DYNC1H1: variants seen among roughly 807,000 people sequenced by gnomAD.
DYNC1H1 encodes dynein cytoplasmic 1 heavy chain 1.
In DYNC1H1, 51 loss-of-function variants were observed where a neutral mutation model predicts 527.1. The ratio of observed to expected loss-of-function variants is 0.10; its 90% confidence interval spans 0.08 to 0.12. The LOEUF is 0.12. Among genes scored for constraint, DYNC1H1 ranks in the 10% least tolerant of loss-of-function variants. The pLI, the probability that DYNC1H1 is intolerant of heterozygous loss-of-function variation, is 1.00. For missense variants in DYNC1H1, 2,771 were observed against 5,971.8 expected (o/e 0.46, Z 17.66); for synonymous variants, 2,189 against 2,278.8 (o/e 0.96, Z 1.12).
At chr14:102,047,688 A>G in intron 72 of DYNC1H1, 129 bp from the exon 73 acceptor site, 1 of 848,154 alleles carries the variant, frequency 1.2e-6, no homozygotes, top group Non-Finnish European at 1.9e-6. Context: ...AGCACCTTCC[A>G]GATTTTGCTG....
In DYNC1H1 at chr14:102,054,467, A is replaced by C. The variant is rs567646520; in HGVS notation, c.*3904A>C. 5.3e-5 allele frequency: 8 copies of C among 151,462 alleles called. No homozygotes were observed. The highest frequency in any genetic ancestry group is 1.0e-4 in the Non-Finnish European group (7 of 67,944). 9.4% of individuals were successfully genotyped at this position (151,462 alleles called of 1,614,324 possible). On this transcript the variant is annotated 3_prime_UTR_variant, in exon 78 of 78. Coordinates refer to ENST00000360184, the MANE Select transcript of DYNC1H1 (RefSeq NM_001376.5). ...CCATTGCCTGTTCTCAAAGCAATGC[A>C]CCTGAGAAGCAGTGGCAGGTGGCAC... is the stretch of plus-strand genomic sequence containing the variant.
At position 101,986,762 on chromosome 14, in the gene DYNC1H1, A is replaced by T. The variant is rs749426107; in HGVS notation, c.2537A>T (p.Lys846Met). The stretch of plus-strand genomic sequence containing the variant: ...GAGACTGTCTTCAACTTCCAAGAAA[A>T]GGTATGCTCTCATGTAATCCTCAGG... ...LAETVFNFQE[K>M]VDDLLIIEEK... Residue 846 changes from lysine (K) to methionine (M), a missense_variant and splice_region_variant, in exon 8 of 78, where the codon AAG becomes ATG. Transcript: ENST00000360184. The surrounding 1 kb of genome is among the most constrained non-coding windows in gnomAD (Gnocchi z 8.7). The T allele has an allele frequency of 6.2e-7, 1 of 1,614,208 alleles. No homozygotes were observed. Among genetic ancestry groups the T allele is most frequent in the Non-Finnish European group, 8.5e-7 (1 of 1,180,034 alleles).
rs781492218 is a variant in DYNC1H1 at position 102,029,613 on chromosome 14, T to C, written c.9543T>C (p.Asn3181=). ...ITPRHYLDFI[N]HYANLFHEKR... ...CTCGCCACTACCTGGACTTCATCAA[T>C]CACTATGCCAACCTGTTCCACGAGA... Residue 3181 remains asparagine, a synonymous_variant, in exon 49 of 78, where the codon AAT becomes AAC. Coordinates refer to ENST00000360184, the MANE Select transcript of DYNC1H1 (RefSeq NM_001376.5). This position sits in a 1 kb window ranked among gnomAD's most constrained non-coding sequence, Gnocchi z 5.3. 1 of 1,614,036 alleles carries C rather than the reference T, an allele frequency of 6.2e-7. No individual in the cohort carries two copies. Among genetic ancestry groups the C allele is most frequent in the Non-Finnish European group, 8.5e-7 (1 of 1,180,038 alleles).
intron 57 of DYNC1H1, chr14:102,037,229 C>G: frequency 6.3e-6 from 1 of 157,754 alleles, no homozygotes; most frequent in Non-Finnish European, 1.4e-5. Flanking sequence ...ATCAAGACCA[C>G]CCTGGCCAAC....
At position 101,994,180 on chromosome 14, in the gene DYNC1H1, C is replaced by T; in HGVS notation, c.3016-4C>T. The T allele has an allele frequency of 6.2e-7, 1 of 1,614,124 alleles. No homozygotes were observed. Among genetic ancestry groups the T allele is most frequent in the African/African-American group, 1.3e-5 (1 of 75,014 alleles). The stretch of plus-strand genomic sequence containing the variant: ...TTGCATTCATTTCGGCTTTGGTTGG[C>T]TAGGTGGGTGTACATTACGAATTGA... On this transcript the variant is annotated splice_polypyrimidine_tract_variant and splice_region_variant and intron_variant, in intron 11 of 77. Transcript: ENST00000360184.
chr14:101,987,101 G>A (rs2047945946), intron 8 of DYNC1H1, among the ~76,000 whole-genome samples: 2 of 152,218 alleles, frequency 1.3e-5, no homozygotes, highest in Non-Finnish European at 2.9e-5. Context: ...CAGAGCCTGC[G>A]GCTGCCAGCG....
At position 102,030,228 on chromosome 14, in the gene DYNC1H1, A is replaced by C. The variant is rs763556991; in HGVS notation, c.9829A>C (p.Ser3277Arg). 1 of 1,614,178 alleles carries C rather than the reference A, an allele frequency of 6.2e-7. No individual in the cohort carries two copies. The highest frequency in any genetic ancestry group is 2.2e-5 in the East Asian group (1 of 44,884). ...GGAGGTAATTGCAGACAAACAGATGAGTGTCAAAGAAGATCTTGATAAGGT... is the reference window on the plus strand; with the variant it reads ...GGAGGTAATTGCAGACAAACAGATGCGTGTCAAAGAAGATCTTGATAAGGT... Reference protein sequence around the residue: ...QQEVIADKQMSVKEDLDKVEP... With the variant: ...QQEVIADKQMRVKEDLDKVEP... Residue 3277 changes from serine (S) to arginine (R), a missense_variant, in exon 51 of 78, where the codon AGT becomes CGT. Ser to Arg is a moderately radical substitution (Grantham distance 110). Coordinates refer to ENST00000360184, the MANE Select transcript of DYNC1H1 (RefSeq NM_001376.5).
Position 102,039,256 on chromosome 14 carries a change from TG to T in DYNC1H1, c.11460+5del. 1 of 1,613,220 alleles carries T rather than the reference TG, an allele frequency of 6.2e-7. No individual in the cohort carries two copies. Among genetic ancestry groups the T allele is most frequent in the Non-Finnish European group, 8.5e-7 (1 of 1,180,000 alleles). ...TTCACCATGGAGTCCCTCAAGCAGG[TG>T]GGTGCCTTGGCCATGCAGAGACTGG... On this transcript the variant is annotated splice_donor_region_variant and intron_variant, in intron 60 of 77. Coordinates refer to ENST00000360184, the MANE Select transcript of DYNC1H1 (RefSeq NM_001376.5). This position sits in a 1 kb window ranked among gnomAD's most constrained non-coding sequence, Gnocchi z 7.0.
Position 102,002,435 on chromosome 14 carries a change from G to A in DYNC1H1, c.4543-102G>A. On this transcript the variant is annotated intron_variant, in intron 21 of 77. Transcript: ENST00000360184. This position sits in a 1 kb window ranked among gnomAD's most constrained non-coding sequence, Gnocchi z 4.4. The stretch of plus-strand genomic sequence containing the variant: ...TACTTGTTGTTTAAAATGTGAATCA[G>A]ATTACTTCATGAGATCCTGATCTGC... 6.7e-7 allele frequency: 1 copy of A among 1,483,810 alleles called. No individual in the cohort carries two copies. The highest frequency in any genetic ancestry group is 9.4e-7 in the Non-Finnish European group (1 of 1,065,964). The allele number at this position is 1,483,810 out of a possible 1,614,324, so 91.9% of individuals were successfully genotyped here. A position where few individuals can be genotyped will look rare whatever the true frequency, so the allele number is the denominator to read the frequency against.
Position 102,001,615 on chromosome 14 carries a change from C to G in DYNC1H1, c.4476C>G (p.Asp1492Glu). 1 of 1,614,178 alleles carries G rather than the reference C, an allele frequency of 6.2e-7. No homozygotes were observed. The highest frequency in any genetic ancestry group is 8.5e-7 in the Non-Finnish European group (1 of 1,180,034). ...GCCGCTTGATCCGTGGCTGGGATGA[C>G]CTCTTCAACAAGGTCAAAGAACACA... The part of the protein sequence containing the change: ...NKCRLIRGWD[D>E]LFNKVKEHIN... The change falls in exon 21 of 78, where the codon GAC becomes GAG. Residue 1492 changes from aspartate to glutamate, a missense_variant. Asp to Glu is a conservative substitution (Grantham distance 45). Around this residue, in one of 32 missense-constraint regions of DYNC1H1, gnomAD observed 223 missense variants for 462.5 expected, o/e 0.48. Transcript: ENST00000360184. This position sits in a 1 kb window ranked among gnomAD's most constrained non-coding sequence, Gnocchi z 5.0.
intron 42 of DYNC1H1, among the ~76,000 whole-genome samples, chr14:102,021,684 G>C (rs2048387116): frequency 8.1e-6 from 1 of 123,738 alleles, no homozygotes; most frequent in Admixed American, 9.5e-5. Context: ...TTTGAGACAA[G>C]AGTCTCGCTT....
chr14:102,009,709 A>G, intron 29 of DYNC1H1, 134 bp from the exon 30 acceptor site: 1 of 1,403,182 alleles, frequency 7.1e-7, no homozygotes, highest in East Asian at 2.5e-5. Context: ...GCCAAAGAGC[A>G]GCCCCCGAGG....
At chr14:101,995,418 T>C (rs2048048302) in intron 15 of DYNC1H1, 118 bp downstream of exon 15, 1 of 1,275,462 alleles carries the variant, frequency 7.8e-7, no homozygotes, top group Non-Finnish European at 1.1e-6. Flanking sequence ...GAGACCATCC[T>C]GGCTAACACG....
At position 102,020,446 on chromosome 14, in the gene DYNC1H1, A is replaced by AGAGCACGG. The variant is rs1354940350; in HGVS notation, c.8507+392_8507+399dup. Among the ~76,000 whole-genome samples, 2 of 152,166 alleles carry AGAGCACGG rather than the reference A, an allele frequency of 1.3e-5. No individual in the cohort carries two copies. The highest frequency in any genetic ancestry group is 4.8e-5 in the African/African-American group (2 of 41,438). On this transcript the variant is annotated intron_variant, in intron 42 of 77. Transcript: ENST00000360184. The surrounding 1 kb of genome is among the most constrained non-coding windows in gnomAD (Gnocchi z 4.3). Reference sequence around the variant, plus strand: ...AGCAGCTGCCTGTGATAACCTTACCAGAGCACGGGTTCACTGCTGAGTTAA... The same window carrying AGAGCACGG: ...AGCAGCTGCCTGTGATAACCTTACCAGAGCACGGGAGCACGGGTTCACTGCTGAGTTAA...
chr14:102,034,499 T>G, intron 56 of DYNC1H1, 47 bp downstream of exon 56: 1 of 1,611,316 alleles, frequency 6.2e-7, no homozygotes, highest in Non-Finnish European at 8.5e-7. Flanking sequence ...ATGTGGGTGG[T>G]GATCTTGAAT....
chr14:102,009,592 T>C (rs2048235481), intron 29 of DYNC1H1: 2 of 501,568 alleles, frequency 4.0e-6, no homozygotes, highest in East Asian at 3.8e-5. Flanking sequence ...CCAAATAAAA[T>C]AGTGGTCTCT....
At chr14:101,999,932 A>AT in intron 16 of DYNC1H1, 57 bp from the exon 17 acceptor site, 1 of 1,612,952 alleles carries the variant, frequency 6.2e-7, no homozygotes, top group Non-Finnish European at 8.5e-7. Context: ...TAAAGCCTAA[A>AT]TGCTCATCTC....
chr14:102,005,865 T>C lies in DYNC1H1; in HGVS notation c.5434-23T>C. 6.2e-7 allele frequency: 1 copy of C among 1,613,602 alleles called. No individual in the cohort carries two copies. Among genetic ancestry groups the C allele is most frequent in the Non-Finnish European group, 8.5e-7 (1 of 1,179,848 alleles). ...GTATTGCTTTAGTGTAGATGAACTT[T>C]TAAAGTGACTCTCTTTCTTCAGATT... is the stretch of plus-strand genomic sequence containing the variant. On this transcript the variant is annotated intron_variant, in intron 26 of 77. Coordinates refer to ENST00000360184, the MANE Select transcript of DYNC1H1 (RefSeq NM_001376.5). This position sits in a 1 kb window ranked among gnomAD's most constrained non-coding sequence, Gnocchi z 4.0.
rs2048842632 is a variant in DYNC1H1, at chr14:102,053,455, TG to T, written c.*2893del. ...TTTTTATTTGTTTTTTGTTTGTTTT[TG>T]TTTTTTTTAAAAAACTGAGTCTCGC... On this transcript the variant is annotated 3_prime_UTR_variant, in exon 78 of 78. Transcript: ENST00000360184. 6.6e-6 allele frequency: 1 copy of T among 151,568 alleles called. No homozygotes were observed. Among genetic ancestry groups the T allele is most frequent in the Non-Finnish European group, 1.5e-5 (1 of 67,970 alleles). The allele number at this position is 151,568 out of a possible 1,614,324, so 9.4% of individuals were successfully genotyped here.
Sources: gnomAD v4.1 joint callset for allele counts (sites outside exome capture counted in the v4.1 genomes callset) on GRCh38, gnomAD v4.1.1 for gene constraint, gnomAD v4.1.1 regional missense constraint, Gnocchi (gnomAD v3.1) non-coding constraint, MANE v1.5 for transcripts, NCBI Gene and HGNC (gene_info 2026-07-23, HGNC 2026-07-21) for gene names.